The following KCNQ5 variants were observed in gnomAD, a reference collection of about 807,000 sequenced individuals.
KCNQ5 encodes potassium voltage-gated channel subfamily KQT member 5.
Under a neutral mutation model 98.2 loss-of-function variants are expected in KCNQ5, and 30 were observed. The ratio of observed to expected loss-of-function variants is 0.31; its 90% CI spans 0.23 to 0.41. The LOEUF is 0.41. Ranked by LOEUF, KCNQ5 falls within the 10% of genes least tolerant of loss-of-function variation. KCNQ5 has a pLI of 1.00. For synonymous variants in KCNQ5, 458 were observed against 449.4 expected, an observed-to-expected ratio of 1.02 and a Z score of -0.24; for missense variants, 835 against 1,182.5, an observed-to-expected ratio of 0.71 and a Z score of 4.31.
rs1323098065 is a variant in KCNQ5 at position 73,066,634 on chromosome 6, G to A, written c.617-10688G>A. Reference sequence around the variant, plus strand: ...AAAAAATGTACCACTTAGAATTTGAGAAATTCAAAGTTAGAAAGGATCCTT... The same window carrying A: ...AAAAAATGTACCACTTAGAATTTGAAAAATTCAAAGTTAGAAAGGATCCTT... On this transcript the variant is annotated intron_variant, in intron 3 of 13. Transcript: ENST00000370398. Among the ~76,000 whole-genome samples the A allele has an allele frequency of 5.3e-5, 8 of 152,300 alleles. No homozygotes were observed. In the East Asian group the frequency reaches 1.3e-3, roughly 26 times the overall value.
chr6:73,143,222 C>A (rs1410795526), intron 10 of KCNQ5, among the ~76,000 whole-genome samples: 1 of 152,168 alleles, frequency 6.6e-6, no homozygotes, highest in Non-Finnish European at 1.5e-5. Flanking sequence ...TCAGGAATTT[C>A]TGGAAGCTTA....
At chr6:72,943,386 A>T (rs1165937180) in intron 1 of KCNQ5, among the ~76,000 whole-genome samples, 1 of 152,184 alleles carries the variant, frequency 6.6e-6, no homozygotes, top group African/African-American at 2.4e-5. Flanking sequence ...CAATTTTTGA[A>T]GCCTAAATTA....
chr6:72,900,681 G>A (rs965552460), intron 1 of KCNQ5, among the ~76,000 whole-genome samples: 4 of 151,836 alleles, frequency 2.6e-5, no homozygotes, highest in Admixed American at 1.3e-4. Flanking sequence ...TAGTGGGGTT[G>A]CTGGATCAAA....
At chr6:72,765,376 C>A (rs1366735641) in intron 1 of KCNQ5, among the ~76,000 whole-genome samples, 3 of 151,912 alleles carry the variant, frequency 2.0e-5, no homozygotes, top group Admixed American at 6.6e-5. Context: ...AATCTCAGAT[C>A]AAGATAAGGA....
intron 1 of KCNQ5, among the ~76,000 whole-genome samples, chr6:72,906,179 G>C (rs918354374): frequency 1.3e-5 from 2 of 152,090 alleles, no homozygotes; most frequent in Admixed American, 6.5e-5. Flanking sequence ...GGAAGTGGGG[G>C]AAAGCCTGCT....
rs560482661 is a variant in KCNQ5 at position 73,195,249 on chromosome 6, C to T, written c.2634C>T (p.Pro878=). ...TTATAACTGATGAAGAGGTGGGTCC[C>T]GAAGAGACAGAGACAGACACTTTTG... The part of the protein sequence containing the change: ...KLFITDEEVG[P]EETETDTFDA... Residue 878 remains proline (P), a synonymous_variant, in exon 14 of 14, where the codon CCC becomes CCT. Coordinates refer to ENST00000370398, the MANE Select transcript of KCNQ5 (RefSeq NM_019842.4). 68 of 1,614,102 alleles carry T rather than the reference C, an allele frequency of 4.2e-5. 1 individual carries two copies. The South Asian group carries it at 4.4e-4, about 10-fold the overall frequency.
intron 1 of KCNQ5, among the ~76,000 whole-genome samples, chr6:72,801,690 G>A (rs1204083369): frequency 4.7e-5 from 7 of 148,308 alleles, no homozygotes; most frequent in Admixed American, 4.7e-4. Flanking sequence ...TGGTTATTTT[G>A]CTCGTTAGTT....
intron 1 of KCNQ5, among the ~76,000 whole-genome samples, chr6:72,631,053 G>A (rs866790581): frequency 2.0e-5 from 3 of 152,158 alleles, no homozygotes; most frequent in Admixed American, 6.5e-5. Context: ...GAGTTGAAAT[G>A]TATTAGTGAA....
At chr6:72,970,843 T>A (rs968845354) in intron 1 of KCNQ5, among the ~76,000 whole-genome samples, 3 of 152,174 alleles carry the variant, frequency 2.0e-5, no homozygotes, top group African/African-American at 4.8e-5. Context: ...TATACAAAAA[T>A]TAATTCAAGA....
chr6:73,112,549 G>A (rs766577483), intron 7 of KCNQ5, among the ~76,000 whole-genome samples: 2 of 152,162 alleles, frequency 1.3e-5, no homozygotes, highest in Non-Finnish European at 2.9e-5. Flanking sequence ...GTTTCACCGT[G>A]TTAGCCAGGA....
At position 73,073,832 on chromosome 6, in the gene KCNQ5, A is replaced by G. The variant is rs191051425; in HGVS notation, c.617-3490A>G. The stretch of plus-strand genomic sequence containing the variant: ...TATGTTTCAAAAAATATTTTAGACA[A>G]TTAACTAACTGCACAGCTTAAGCTA... On this transcript the variant is annotated intron_variant, in intron 3 of 13. Coordinates refer to ENST00000370398, the MANE Select transcript of KCNQ5 (RefSeq NM_019842.4). Among the ~76,000 whole-genome samples the G allele has an allele frequency of 2.2e-3, 329 of 152,350 alleles. 3 individuals are homozygous for G. The highest frequency in any genetic ancestry group is 6.2e-3 in the African/African-American group (258 of 41,570).
At chr6:72,718,459 T>C (rs1769767622) in intron 1 of KCNQ5, among the ~76,000 whole-genome samples, 1 of 139,958 alleles carries the variant, frequency 7.1e-6, no homozygotes, top group Non-Finnish European at 1.6e-5. Flanking sequence ...TTTTTTTTTT[T>C]TTTTTTTTTT....
At chr6:72,835,630 A>G (rs977022921) in intron 1 of KCNQ5, among the ~76,000 whole-genome samples, 1 of 152,160 alleles carries the variant, frequency 6.6e-6, no homozygotes, top group Non-Finnish European at 1.5e-5. Flanking sequence ...AGTGTCATAC[A>G]TGTATTTCCT....
intron 1 of KCNQ5, among the ~76,000 whole-genome samples, chr6:72,809,746 G>T (rs73756523): frequency 0.025 from 3,849 of 152,300 alleles, 147 homozygotes; most frequent in African/African-American, 0.086. Flanking sequence ...TTTAGTGACA[G>T]TCATTCTGGA....
intron 1 of KCNQ5, among the ~76,000 whole-genome samples, chr6:72,789,764 G>C (rs1431249228): frequency 6.6e-6 from 1 of 152,120 alleles, no homozygotes; most frequent in Non-Finnish European, 1.5e-5. Flanking sequence ...GGCAAAGTCA[G>C]GAAAGGAACT....
chr6:73,131,670 T>A (rs1003276637), intron 9 of KCNQ5, among the ~76,000 whole-genome samples: 5 of 152,138 alleles, frequency 3.3e-5, no homozygotes, highest in African/African-American at 1.2e-4. Flanking sequence ...TTTAAATAAT[T>A]GAAGGCTTTG....
chr6:72,737,651 CTT>C (rs1770918897), intron 1 of KCNQ5, among the ~76,000 whole-genome samples: 2 of 152,192 alleles, frequency 1.3e-5, no homozygotes, highest in Admixed American at 1.3e-4. Flanking sequence ...TGTTTGTTTA[CTT>C]TTGTATCATA....
chr6:73,129,176 G>T (rs577180860), intron 9 of KCNQ5, among the ~76,000 whole-genome samples: 1 of 152,094 alleles, frequency 6.6e-6, no homozygotes, highest in Admixed American at 6.5e-5. Context: ...TTCCAAAATG[G>T]TCTCTCCTTC....
chr6:72,855,925 A>G (rs1777512983), intron 1 of KCNQ5, among the ~76,000 whole-genome samples: 1 of 152,198 alleles, frequency 6.6e-6, no homozygotes, highest in Admixed American at 6.5e-5. Flanking sequence ...TGAATATGGG[A>G]TCCTGTATAA....
Sources: gnomAD v4.1 joint callset for allele counts (sites outside exome capture counted in the v4.1 genomes callset) on GRCh38, gnomAD v4.1.1 for gene constraint, MANE v1.5 for transcripts, NCBI Gene and HGNC (gene_info 2026-07-23, HGNC 2026-07-21) for gene names.